Variants in QTMAN observed in about 807,000 individuals in gnomAD.
The protein encoded by QTMAN is queuosine-tRNA mannosyltransferase, also known as tRNA-queuosine alpha-mannosyltransferase.
chr2:143,994,011 T>C, the QTMAN span, among the ~76,000 whole-genome samples: 1 of 152,100 alleles, frequency 6.6e-6, no homozygotes, highest in East Asian at 1.9e-4. Context: ...CTCCTAAAGG[T>C]TATACATTTT....
At chr2:144,187,670 C>G in the QTMAN span, among the ~76,000 whole-genome samples, 1 of 152,132 alleles carries the variant, frequency 6.6e-6, no homozygotes, top group Non-Finnish European at 1.5e-5. Context: ...TGATACCAGA[C>G]AGAGTCCTTT....
the QTMAN span, among the ~76,000 whole-genome samples, chr2:144,112,343 A>G: frequency 6.6e-6 from 1 of 152,358 alleles, no homozygotes; most frequent in East Asian, 1.9e-4. Context: ...GAAAATTCTA[A>G]TAAGTGGAGA....
At chr2:144,140,029 A>G in the QTMAN span, among the ~76,000 whole-genome samples, 1 of 152,100 alleles carries the variant, frequency 6.6e-6, no homozygotes, top group African/African-American at 2.4e-5. Flanking sequence ...CAACAAAATA[A>G]TACAGTTTTG....
chr2:144,032,334 T>C, the QTMAN span, among the ~76,000 whole-genome samples: 7 of 152,228 alleles, frequency 4.6e-5, no homozygotes, highest in South Asian at 4.1e-4. Flanking sequence ...CCAAATGAAC[T>C]TGAAGATGTT....
the QTMAN span, among the ~76,000 whole-genome samples, chr2:144,035,142 C>T: frequency 2.3e-4 from 35 of 152,076 alleles, no homozygotes; most frequent in Non-Finnish European, 4.7e-4. Flanking sequence ...GAGTTCTTGT[C>T]CTACTTGGTC....
chr2:144,227,736 A>T, the QTMAN span, among the ~76,000 whole-genome samples: 1 of 152,210 alleles, frequency 6.6e-6, no homozygotes, highest in Non-Finnish European at 1.5e-5. Context: ...TCAAAAGTCC[A>T]AACAACTAAC....
At chr2:144,141,208 G>C in the QTMAN span, among the ~76,000 whole-genome samples, 1 of 151,824 alleles carries the variant, frequency 6.6e-6, no homozygotes, top group Non-Finnish European at 1.5e-5. Context: ...TATTCCTAGT[G>C]GTAGTAAAAA....
the QTMAN span, among the ~76,000 whole-genome samples, chr2:143,973,738 G>A: frequency 6.6e-6 from 1 of 150,666 alleles, no homozygotes; most frequent in Admixed American, 6.6e-5. Context: ...GCAGTGAGTC[G>A]AGATCGCGCC....
At chr2:144,127,119 A>G in the QTMAN span, among the ~76,000 whole-genome samples, 1 of 152,000 alleles carries the variant, frequency 6.6e-6, no homozygotes, top group Non-Finnish European at 1.5e-5. Context: ...CATTCAGGAC[A>G]TATAAAAGAA....
the QTMAN span, among the ~76,000 whole-genome samples, chr2:144,093,404 C>T: frequency 6.6e-6 from 1 of 152,176 alleles, no homozygotes; most frequent in Admixed American, 6.5e-5. Flanking sequence ...GAAGGGCTGA[C>T]ATTTGCAAAG....
At chr2:144,168,275 C>A in the QTMAN span, among the ~76,000 whole-genome samples, 1 of 152,162 alleles carries the variant, frequency 6.6e-6, no homozygotes, top group Non-Finnish European at 1.5e-5. Context: ...GCCAGCAGAT[C>A]CTTCTGCAGC....
the QTMAN span, among the ~76,000 whole-genome samples, chr2:144,189,672 T>C: frequency 2.0e-5 from 3 of 151,900 alleles, no homozygotes; most frequent in Admixed American, 1.3e-4. Flanking sequence ...GCTGCTGGAG[T>C]CCAGCGGTGC....
At chr2:144,163,254 A>G in the QTMAN span, among the ~76,000 whole-genome samples, 1 of 152,008 alleles carries the variant, frequency 6.6e-6, no homozygotes, top group South Asian at 2.1e-4. Flanking sequence ...TTTTATCTCC[A>G]AAGTTCTATT....
the QTMAN span, among the ~76,000 whole-genome samples, chr2:144,299,278 T>G: frequency 6.6e-6 from 1 of 152,094 alleles, no homozygotes; most frequent in Non-Finnish European, 1.5e-5. Context: ...TAACAAAATC[T>G]TCCCCCCCAA....
the QTMAN span, among the ~76,000 whole-genome samples, chr2:144,060,680 T>C: frequency 2.6e-5 from 4 of 152,238 alleles, no homozygotes; most frequent in African/African-American, 7.2e-5. Context: ...GCTATTTTGC[T>C]AGGCTATAAT....
At chr2:144,192,817 A>G in the QTMAN span, among the ~76,000 whole-genome samples, 14 of 152,238 alleles carry the variant, frequency 9.2e-5, no homozygotes, top group African/African-American at 3.4e-4. Flanking sequence ...GTGAACAAGA[A>G]ACGTTTATTA....
chr2:144,182,817 A>ATT, the QTMAN span, among the ~76,000 whole-genome samples: 1 of 62,350 alleles, frequency 1.6e-5, no homozygotes, highest in African/African-American at 9.6e-5. Flanking sequence ...TAATATATAT[A>ATT]TTATATATAT....
chr2:144,105,203 C>T, the QTMAN span, among the ~76,000 whole-genome samples: 2 of 152,078 alleles, frequency 1.3e-5, no homozygotes, highest in African/African-American at 4.8e-5. Context: ...AGCGCCTCTC[C>T]CCCTCCAAAG....
the QTMAN span, among the ~76,000 whole-genome samples, chr2:144,306,550 C>T: frequency 2.0e-5 from 3 of 152,044 alleles, no homozygotes; most frequent in Admixed American, 2.0e-4. Flanking sequence ...CCCTCATGAC[C>T]TCACCTAAAC....
Sources: allele counts gnomAD v4.1 joint callset (sites outside exome capture counted in the v4.1 genomes callset), GRCh38; gene constraint gnomAD v4.1.1; transcripts MANE v1.5; gene names NCBI Gene and HGNC (gene_info 2026-07-23, HGNC 2026-07-21).